Variants in SLC24A2 observed in about 807,000 individuals in gnomAD.
The protein encoded by SLC24A2 is sodium/potassium/calcium exchanger 2.
A neutral mutation model predicts 62.0 loss-of-function variants in SLC24A2; 36 were observed. The ratio of observed to expected loss-of-function variants is 0.58; its 90% CI spans 0.44 to 0.77. The LOEUF (loss-of-function observed/expected upper bound fraction) is 0.77. Among genes scored for constraint, SLC24A2 ranks in the 30% least tolerant of loss-of-function variants. SLC24A2 has a pLI of 0.00. For synonymous variants in SLC24A2, 358 were observed against 294.0 expected (o/e 1.22, Z -2.23); for missense variants, 846 against 817.9 (o/e 1.03, Z -0.42).
the SLC24A2 span, among the ~76,000 whole-genome samples, chr9:19,796,949 C>A: frequency 2.0e-5 from 3 of 151,910 alleles, no homozygotes; most frequent in South Asian, 6.2e-4. Flanking sequence ...TTTCTCTTTC[C>A]TTTTTGGAAT....
At chr9:19,649,606 G>T (rs1233978578) in intron 2 of SLC24A2, among the ~76,000 whole-genome samples, 1 of 152,106 alleles carries the variant, frequency 6.6e-6, no homozygotes, top group East Asian at 1.9e-4. Flanking sequence ...TGGATCAAAG[G>T]CTTCCTCAAA....
At chr9:20,129,583 ATAT>A in the SLC24A2 span, among the ~76,000 whole-genome samples, 1 of 152,160 alleles carries the variant, frequency 6.6e-6, no homozygotes, top group Non-Finnish European at 1.5e-5. Flanking sequence ...ACATAATTGA[ATAT>A]TATTCACTCA....
At chr9:19,709,728 A>AC (rs1435902877) in intron 2 of SLC24A2, among the ~76,000 whole-genome samples, 15 of 128,110 alleles carry the variant, frequency 1.2e-4, no homozygotes, top group African/African-American at 4.2e-4. Flanking sequence ...AGGAAGGGGA[A>AC]ATCACACTCT....
the SLC24A2 span, among the ~76,000 whole-genome samples, chr9:20,052,490 T>G: frequency 6.6e-6 from 1 of 152,228 alleles, no homozygotes; most frequent in Admixed American, 6.5e-5. Context: ...AGGTTCAATT[T>G]GTCTCTAACT....
the SLC24A2 span, among the ~76,000 whole-genome samples, chr9:19,979,473 G>C: frequency 6.6e-6 from 1 of 152,172 alleles, no homozygotes. Context: ...CATTTGTTTA[G>C]ACAAATTTTG....
chr9:19,873,511 C>A, the SLC24A2 span, among the ~76,000 whole-genome samples: 5 of 112,748 alleles, frequency 4.4e-5, no homozygotes, highest in African/African-American at 1.6e-4. Flanking sequence ...CTTTCTTTTT[C>A]TTTCTCTCTC....
chr9:19,903,475 T>C, the SLC24A2 span, among the ~76,000 whole-genome samples: 1 of 152,170 alleles, frequency 6.6e-6, no homozygotes, highest in African/African-American at 2.4e-5. Flanking sequence ...GGCTTTGGAA[T>C]ATTAATTCTG....
chr9:19,647,003 C>T (rs556768791), intron 2 of SLC24A2, among the ~76,000 whole-genome samples: 1 of 151,444 alleles, frequency 6.6e-6, no homozygotes, highest in South Asian at 2.1e-4. Flanking sequence ...ATGAATCATT[C>T]CAAGATTTTC....
intron 4 of SLC24A2, among the ~76,000 whole-genome samples, chr9:19,612,942 A>G (rs1837218502): frequency 1.3e-5 from 2 of 152,186 alleles, no homozygotes; most frequent in Non-Finnish European, 2.9e-5. Context: ...GCAGATGGAG[A>G]GAATGGCTTT....
chr9:19,652,928 T>C (rs959435056), intron 2 of SLC24A2, among the ~76,000 whole-genome samples: 4 of 15,496 alleles, frequency 2.6e-4, no homozygotes, highest in Admixed American at 2.4e-3. Flanking sequence ...ACAAACCTTC[T>C]CTTCCATCCT....
chr9:19,991,020 A>G, the SLC24A2 span, among the ~76,000 whole-genome samples: 3 of 114,396 alleles, frequency 2.6e-5, no homozygotes, highest in East Asian at 2.4e-4. Context: ...ATACATACAC[A>G]CACACATATA....
At chr9:20,187,211 T>A in the SLC24A2 span, among the ~76,000 whole-genome samples, 3 of 152,196 alleles carry the variant, frequency 2.0e-5, no homozygotes, top group Admixed American at 6.5e-5. Context: ...AGATCTTGGC[T>A]GACCTCAAAT....
chr9:20,098,482 A>G, the SLC24A2 span, among the ~76,000 whole-genome samples: 1 of 152,168 alleles, frequency 6.6e-6, no homozygotes, highest in Non-Finnish European at 1.5e-5. Flanking sequence ...TCCTTTCATT[A>G]CCCTCTAGGC....
chr9:19,561,558 C>T (rs1163466932), intron 7 of SLC24A2, among the ~76,000 whole-genome samples: 3 of 151,624 alleles, frequency 2.0e-5, no homozygotes, highest in African/African-American at 7.3e-5. Context: ...CCTCAGCCTC[C>T]CGAGTAGCTG....
chr9:20,090,720 T>C, the SLC24A2 span, among the ~76,000 whole-genome samples: 7 of 152,002 alleles, frequency 4.6e-5, no homozygotes, highest in Non-Finnish European at 1.0e-4. Context: ...TTAATCTATA[T>C]TGCAGTTAAA....
intron 4 of SLC24A2, among the ~76,000 whole-genome samples, chr9:19,615,711 G>A (rs565576828): frequency 3.3e-5 from 5 of 152,220 alleles, no homozygotes; most frequent in South Asian, 2.1e-4. Context: ...CACCTTGAAA[G>A]CAGGTGCCTG....
chr9:19,983,122 C>T, the SLC24A2 span, among the ~76,000 whole-genome samples: 10 of 152,218 alleles, frequency 6.6e-5, no homozygotes, highest in Middle Eastern at 3.4e-3. Context: ...CTGACTTTTA[C>T]CATTGCTATT....
chr9:20,051,885 C>G, the SLC24A2 span, among the ~76,000 whole-genome samples: 1 of 151,908 alleles, frequency 6.6e-6, no homozygotes, highest in Non-Finnish European at 1.5e-5. Flanking sequence ...ATGGTCTTTT[C>G]TCTGGGCTGG....
the SLC24A2 span, among the ~76,000 whole-genome samples, chr9:19,904,923 G>T: frequency 8.5e-5 from 13 of 152,254 alleles, no homozygotes; most frequent in Admixed American, 3.3e-4. Flanking sequence ...AAGGAATAAA[G>T]ACCCATTTAG....
Sources: gnomAD v4.1 joint callset for allele counts (sites outside exome capture counted in the v4.1 genomes callset) on GRCh38, gnomAD v4.1.1 for gene constraint, MANE v1.5 for transcripts, NCBI Gene and HGNC (gene_info 2026-07-23, HGNC 2026-07-21) for gene names.